Variants in PREX2 observed in about 807,000 individuals in gnomAD.
PREX2 encodes the protein phosphatidylinositol 3,4,5-trisphosphate-dependent Rac exchanger 2 protein.
In PREX2, 107 loss-of-function variants were observed where a neutral mutation model predicts 203.2. That is an observed-to-expected ratio of 0.53 (90% CI 0.45 to 0.62). The LOEUF is 0.62. Among genes scored for constraint, PREX2 ranks in the 20% least tolerant of loss-of-function variants. The pLI is 0.00. For synonymous variants in PREX2, 672 were observed against 663.6 expected (o/e 1.01, Z -0.19); for missense variants, 1,777 against 1,955.9 (o/e 0.91, Z 1.72).
intron 23 of PREX2, chr8:68,105,700 T>TAAGGATATATATATATATATATATAA (rs61184621): frequency 1.2e-5 from 3 of 243,130 alleles, no homozygotes; most frequent in African/African-American, 7.3e-5. Context: ...TATATATATA[T>TAAGGATATATATATATATATATATAA]GGATATATAT....
Position 68,134,258 on chromosome 8 carries a change from A to C in PREX2, c.3966A>C (p.Ser1322=). 2 of 1,613,972 alleles carry C rather than the reference A, an allele frequency of 1.2e-6. No homozygotes were observed. The highest frequency in any genetic ancestry group is 1.7e-6 in the Non-Finnish European group (2 of 1,179,884). Residue 1322 remains serine, a synonymous_variant, in exon 32 of 40, where the codon TCA becomes TCC. Transcript: ENST00000288368. The part of the protein sequence containing the change: ...ANAGVLFHFQ[S]LLSPNLTDEQ... ...CAGGTGTTCTTTTTCACTTTCAGTCACTTCTGTCACCAAACTTGGTAAGGA... is the reference window on the plus strand; with the variant it reads ...CAGGTGTTCTTTTTCACTTTCAGTCCCTTCTGTCACCAAACTTGGTAAGGA...
At chr8:68,172,523 ATTATGT>A (rs1223721778) in intron 35 of PREX2, among the ~76,000 whole-genome samples, 1 of 152,224 alleles carries the variant, frequency 6.6e-6, no homozygotes, top group African/African-American at 2.4e-5. Context: ...TGTGAAACAA[ATTATGT>A]AGGGGAAGTG....
rs1395050759 is a variant in PREX2 at position 68,104,801 on chromosome 8, C to G, written c.2716-3308C>G. 2.0e-5 allele frequency among the ~76,000 whole-genome samples: 3 copies of G among 152,300 alleles called. No individual in the cohort carries two copies. In the East Asian group the frequency reaches 5.8e-4, roughly 29 times the overall value. ...TACCTGATGCACAGAGAGCCTTCCA[C>G]AAGTCATTGTTGGGTAAATGAATAA... On this transcript the variant is annotated intron_variant, in intron 23 of 39. Transcript: ENST00000288368.
At chr8:68,010,997 C>A (rs1056651994) in intron 1 of PREX2, among the ~76,000 whole-genome samples, 1 of 152,038 alleles carries the variant, frequency 6.6e-6, no homozygotes, top group Non-Finnish European at 1.5e-5. Flanking sequence ...AATTTATTGC[C>A]AAAAAGTTAC....
Position 68,044,475 on chromosome 8 carries a change from T to C in PREX2, c.840-12T>C. ...TAGTAACAAAGTCTTTGTGATTTAA[T>C]TCCATCTTAAGACGGTTGAAGAACA... On this transcript the variant is annotated splice_polypyrimidine_tract_variant and intron_variant, in intron 7 of 39. Coordinates refer to ENST00000288368, the MANE Select transcript of PREX2 (RefSeq NM_024870.4). 6.3e-7 allele frequency: 1 copy of C among 1,580,706 alleles called. No homozygotes were observed. The highest frequency in any genetic ancestry group is 8.7e-7 in the Non-Finnish European group (1 of 1,150,796).
At chr8:68,000,054 A>G (rs1267566289) in intron 1 of PREX2, among the ~76,000 whole-genome samples, 1 of 152,220 alleles carries the variant, frequency 6.6e-6, no homozygotes, top group African/African-American at 2.4e-5. Context: ...GAAAACTGGC[A>G]CAAGACAAGG....
At chr8:68,032,131 C>T (rs942835603) in intron 6 of PREX2, among the ~76,000 whole-genome samples, 2 of 152,040 alleles carry the variant, frequency 1.3e-5, no homozygotes, top group African/African-American at 4.8e-5. Context: ...AGCCCACAAC[C>T]GAGGGTGCCT....
chr8:68,230,381 A>G (rs561297907), intron 39 of PREX2, among the ~76,000 whole-genome samples: 47 of 152,322 alleles, frequency 3.1e-4, no homozygotes, highest in Admixed American at 2.8e-3. Flanking sequence ...TTTTGACATC[A>G]TTAGTCCAAG....
At chr8:67,998,105 A>G (rs1387238703) in intron 1 of PREX2, among the ~76,000 whole-genome samples, 1 of 152,152 alleles carries the variant, frequency 6.6e-6, no homozygotes. Flanking sequence ...CTAGTTGTCA[A>G]ACTGTGAGAG....
At chr8:68,089,370 G>A (rs1490376946) in intron 19 of PREX2, among the ~76,000 whole-genome samples, 2 of 151,988 alleles carry the variant, frequency 1.3e-5, no homozygotes, top group African/African-American at 2.4e-5. Flanking sequence ...TTGTTCCTAC[G>A]TTACAGACAA....
chr8:68,060,839 C>T lies in PREX2; in HGVS notation c.1339+60C>T, dbSNP rs539004222. On this transcript the variant is annotated intron_variant, in intron 11 of 39. Transcript: ENST00000288368. ...ATTTATTGGCCATATGTATCTTAAT[C>T]CCATTTATCAGTTTAGTTTACAATT... 79 of 1,122,400 alleles carry T rather than the reference C, an allele frequency of 7.0e-5. No individual in the cohort carries two copies. The African/African-American group carries it at 9.7e-4, about 14-fold the overall frequency. 69.5% of individuals were successfully genotyped at this position (1,122,400 alleles called of 1,614,324 possible). A position where few individuals can be genotyped will look rare whatever the true frequency, so the allele number is the denominator to read the frequency against.
At chr8:67,988,649 C>T (rs1475082342) in intron 1 of PREX2, among the ~76,000 whole-genome samples, 1 of 152,250 alleles carries the variant, frequency 6.6e-6, no homozygotes, top group Admixed American at 6.5e-5. Context: ...CCACTGCTCA[C>T]TTTCACCTTG....
chr8:68,189,149 T>C (rs762731820), intron 35 of PREX2, among the ~76,000 whole-genome samples: 3 of 152,160 alleles, frequency 2.0e-5, no homozygotes, highest in African/African-American at 4.8e-5. Context: ...GCATGGTGCA[T>C]AAGTGGGTTT....
intron 21 of PREX2, among the ~76,000 whole-genome samples, chr8:68,095,535 A>G (rs199701256): frequency 1.1e-3 from 152 of 141,932 alleles, no homozygotes; most frequent in South Asian, 2.5e-3. Context: ...ATACATACAT[A>G]TATGTGTGTG....
rs746927435 is a variant in PREX2, at chr8:68,120,253, A to C, written c.3562A>C (p.Thr1188Pro). Residue 1188 changes from threonine (T) to proline (P), a missense_variant, in exon 29 of 40, where the codon ACC becomes CCC. Thr to Pro is a conservative substitution (Grantham distance 38). Transcript: ENST00000288368. ...GGCTGTTGTGAGGGCCTTTGACCAA[A>C]CCAAGTATCTCACTCCAGGCCGAGG... ...GQAVVRAFDQ[T>P]KYLTPGRGLQ... 8 of 1,613,852 alleles carry C rather than the reference A, an allele frequency of 5.0e-6. No homozygotes were observed. The highest frequency in any genetic ancestry group is 5.1e-6 in the Non-Finnish European group (6 of 1,179,790).
intron 1 of PREX2, among the ~76,000 whole-genome samples, chr8:67,988,103 G>A (rs1001447768): frequency 2.0e-5 from 3 of 152,164 alleles, no homozygotes; most frequent in Non-Finnish European, 4.4e-5. Context: ...CTACCTTCTA[G>A]TCATAGACTT....
intron 35 of PREX2, among the ~76,000 whole-genome samples, chr8:68,161,157 T>TAA (rs1342775997): frequency 6.6e-6 from 1 of 151,834 alleles, no homozygotes; most frequent in Non-Finnish European, 1.5e-5. Flanking sequence ...TGCAATGGCA[T>TAA]AGTCTTGGCT....
At chr8:67,962,298 C>T (rs900080370) in intron 1 of PREX2, among the ~76,000 whole-genome samples, 7 of 152,044 alleles carry the variant, frequency 4.6e-5, no homozygotes, top group African/African-American at 1.4e-4. Context: ...GGAGTTCCAG[C>T]CTTTTCTTAT....
intron 1 of PREX2, among the ~76,000 whole-genome samples, chr8:67,966,001 A>G (rs1391477492): frequency 8.5e-5 from 13 of 152,166 alleles, no homozygotes; most frequent in African/African-American, 2.9e-4. Flanking sequence ...GAGGGTAGCA[A>G]ATATTCTTTG....
Sources: allele counts gnomAD v4.1 joint callset (sites outside exome capture counted in the v4.1 genomes callset), GRCh38; gene constraint gnomAD v4.1.1; transcripts MANE v1.5; gene names NCBI Gene and HGNC (gene_info 2026-07-23, HGNC 2026-07-21).